NR3C2: variants seen among roughly 807,000 people sequenced by gnomAD.
NR3C2 encodes nuclear receptor subfamily 3 group C member 2.
NR3C2 carries 15 observed loss-of-function variants against 86.4 expected under a neutral mutation model. That is an observed-to-expected ratio of 0.17 (90% CI 0.12 to 0.27). NR3C2 has a LOEUF of 0.27. Among genes scored for constraint, NR3C2 ranks in the 10% least tolerant of loss-of-function variants. The probability of loss-of-function intolerance (pLI) is 1.00; values close to 1 mark genes in which losing one functional copy is unlikely to be tolerated. For missense variants in NR3C2, 960 were observed against 1,195.6 expected, an observed-to-expected ratio of 0.80 and a Z score of 2.91; for synonymous variants, 458 against 450.5, an observed-to-expected ratio of 1.02 and a Z score of -0.21.
At chr4:148,087,517 T>C (rs926975450) in intron 8 of NR3C2, among the ~76,000 whole-genome samples, 3 of 151,714 alleles carry the variant, frequency 2.0e-5, no homozygotes, top group African/African-American at 7.3e-5. Context: ...AAAACAGATA[T>C]ATAGACCAAT....
At chr4:148,366,075 T>A (rs1746098263) in intron 2 of NR3C2, among the ~76,000 whole-genome samples, 2 of 152,206 alleles carry the variant, frequency 1.3e-5, no homozygotes, top group South Asian at 4.1e-4. Context: ...CTGCCAATCT[T>A]AATATTCCAA....
chr4:148,092,854 G>A (rs974704696), intron 8 of NR3C2, among the ~76,000 whole-genome samples: 7 of 152,142 alleles, frequency 4.6e-5, no homozygotes, highest in African/African-American at 1.7e-4. Flanking sequence ...TCATAGCGAC[G>A]AAGCCAAAGC....
intron 3 of NR3C2, among the ~76,000 whole-genome samples, chr4:148,219,579 C>T (rs148869987): frequency 6.6e-6 from 1 of 152,232 alleles, no homozygotes; most frequent in East Asian, 1.9e-4. Flanking sequence ...TTTCTAGTGG[C>T]TACAAGAAGT....
intron 8 of NR3C2, among the ~76,000 whole-genome samples, chr4:148,097,616 A>G (rs2149714142): frequency 6.6e-6 from 1 of 152,310 alleles, no homozygotes; most frequent in South Asian, 2.1e-4. Context: ...TTGTTTAAGG[A>G]TCGCTTAAGA....
intron 4 of NR3C2, among the ~76,000 whole-genome samples, chr4:148,174,660 G>A (rs1277853163): frequency 6.6e-6 from 1 of 152,156 alleles, no homozygotes; most frequent in African/African-American, 2.4e-5. Context: ...TGCGTCCAGG[G>A]TCTGAGGTGG....
intron 2 of NR3C2, among the ~76,000 whole-genome samples, chr4:148,430,469 G>A (rs1473099756): frequency 1.3e-5 from 2 of 151,898 alleles, no homozygotes; most frequent in African/African-American, 2.4e-5. Context: ...AATGAAAAAT[G>A]AATATCAGGA....
At chr4:148,275,677 G>A (rs1181388169) in intron 2 of NR3C2, among the ~76,000 whole-genome samples, 1 of 152,100 alleles carries the variant, frequency 6.6e-6, no homozygotes, top group Admixed American at 6.5e-5. Flanking sequence ...TGATCCACCC[G>A]CCTTGGCCTC....
intron 4 of NR3C2, among the ~76,000 whole-genome samples, chr4:148,182,132 A>G (rs538146300): frequency 1.3e-5 from 2 of 152,376 alleles, no homozygotes; most frequent in African/African-American, 4.8e-5. Flanking sequence ...ATAGTAAAGA[A>G]GAAGGCGGGT....
chr4:148,312,114 G>A (rs541998277), intron 2 of NR3C2, among the ~76,000 whole-genome samples: 105 of 152,254 alleles, frequency 6.9e-4, no homozygotes, highest in Non-Finnish European at 1.3e-3. Flanking sequence ...ACTGGAGGCA[G>A]CTTATACTGG....
intron 6 of NR3C2, among the ~76,000 whole-genome samples, chr4:148,138,915 C>A (rs1160873308): frequency 6.6e-6 from 1 of 152,178 alleles, no homozygotes; most frequent in Non-Finnish European, 1.5e-5. Flanking sequence ...CAAGTTTCAG[C>A]CCCATTTGTG....
intron 3 of NR3C2, among the ~76,000 whole-genome samples, chr4:148,217,541 A>G (rs184672944): frequency 2.3e-4 from 35 of 152,304 alleles, no homozygotes; most frequent in African/African-American, 6.7e-4. Context: ...TTCCCAAAAC[A>G]GATCCACTCT....
At chr4:148,387,277 T>C (rs1364883242) in intron 2 of NR3C2, among the ~76,000 whole-genome samples, 2 of 152,094 alleles carry the variant, frequency 1.3e-5, no homozygotes, top group African/African-American at 4.8e-5. Context: ...AGCATGAGGA[T>C]GAAAGCTGAA....
At chr4:148,371,312 A>T (rs2137338) in intron 2 of NR3C2, among the ~76,000 whole-genome samples, 40,191 of 152,040 alleles carry the variant, frequency 0.26, 5,480 homozygotes, top group Non-Finnish European at 0.29. Context: ...AACCATCTCC[A>T]TTTCTCTTGC....
At position 148,296,044 on chromosome 4, in the gene NR3C2, C is replaced by CAAAAA. The variant is rs529710200; in HGVS notation, c.1758-35932_1758-35928dup. On this transcript the variant is annotated intron_variant, in intron 2 of 8. Coordinates refer to ENST00000358102, the MANE Select transcript of NR3C2 (RefSeq NM_000901.5). ...AGAGGTCCTTAATATGAGCTGAGGC[C>CAAAAA]AAAAAAAAAAAAAAAAAAAAAAGAG... is the stretch of plus-strand genomic sequence containing the variant. Among the ~76,000 whole-genome samples, 596 of 73,868 alleles carry CAAAAA rather than the reference C, an allele frequency of 8.1e-3. 21 individuals are homozygous for CAAAAA. Among genetic ancestry groups the CAAAAA allele is most frequent in the South Asian group, 0.011 (17 of 1,498 alleles). The allele number at this position is 73,868 out of a possible 152,430, so 48.5% of individuals were successfully genotyped here.
intron 3 of NR3C2, among the ~76,000 whole-genome samples, chr4:148,249,301 G>A (rs1286795292): frequency 2.0e-5 from 3 of 148,856 alleles, no homozygotes; most frequent in Admixed American, 2.0e-4. Flanking sequence ...GCTTCCCCCC[G>A]ACCAAAAAAA....
chr4:148,405,153 T>C (rs1748353007), intron 2 of NR3C2, among the ~76,000 whole-genome samples: 3 of 152,176 alleles, frequency 2.0e-5, no homozygotes, highest in South Asian at 4.1e-4. Context: ...TCGATGGAAA[T>C]AGATCATAAC....
At chr4:148,433,149 C>A (rs748198886) in intron 2 of NR3C2, among the ~76,000 whole-genome samples, 1 of 152,024 alleles carries the variant, frequency 6.6e-6, no homozygotes, top group Non-Finnish European at 1.5e-5. Context: ...GGTCATTGGA[C>A]CATCAGGAGG....
chr4:148,284,005 G>C (rs1008775146), intron 2 of NR3C2, among the ~76,000 whole-genome samples: 14 of 152,196 alleles, frequency 9.2e-5, no homozygotes, highest in African/African-American at 3.4e-4. Flanking sequence ...AGATTTTCTT[G>C]ACCTTCTACC....
chr4:148,273,367 A>G, intron 2 of NR3C2, among the ~76,000 whole-genome samples: 1 of 152,168 alleles, frequency 6.6e-6, no homozygotes. Context: ...ACTCTTTGTG[A>G]GAAAGAGATT....
Sources: gnomAD v4.1 joint callset for allele counts (sites outside exome capture counted in the v4.1 genomes callset) on GRCh38, gnomAD v4.1.1 for gene constraint, MANE v1.5 for transcripts, NCBI Gene and HGNC (gene_info 2026-07-23, HGNC 2026-07-21) for gene names.